KCND2: variants seen among roughly 807,000 people sequenced by gnomAD.
KCND2 encodes potassium voltage-gated channel subfamily D member 2, also known as A-type voltage-gated potassium channel KCND2.
In KCND2, 16 loss-of-function variants were observed where a neutral mutation model predicts 54.4. That is an observed-to-expected ratio of 0.29 (90% CI 0.20 to 0.45). The LOEUF (loss-of-function observed/expected upper bound fraction) is 0.45. Among genes scored for constraint, KCND2 ranks in the 20% least tolerant of loss-of-function variants. KCND2 has a pLI of 1.00. For missense variants in KCND2, 486 were observed against 824.2 expected, an observed-to-expected ratio of 0.59 and a Z score of 5.02; for synonymous variants, 317 against 310.7, an observed-to-expected ratio of 1.02 and a Z score of -0.21.
intron 1 of KCND2, among the ~76,000 whole-genome samples, chr7:120,305,934 C>T (rs1799647145): frequency 6.6e-6 from 1 of 152,172 alleles, no homozygotes; most frequent in African/African-American, 2.4e-5. Context: ...TACCTGGCTT[C>T]ACCTTTGGCA....
chr7:120,597,033 CACTTAA>C (rs1312155697), intron 1 of KCND2, among the ~76,000 whole-genome samples: 1 of 152,194 alleles, frequency 6.6e-6, no homozygotes, highest in Non-Finnish European at 1.5e-5. Flanking sequence ...ATTTCTGGCA[CACTTAA>C]ACTTAATTAC....
At chr7:120,737,741 A>T (rs1260097502) in intron 2 of KCND2, among the ~76,000 whole-genome samples, 1 of 152,056 alleles carries the variant, frequency 6.6e-6, no homozygotes, top group Non-Finnish European at 1.5e-5. Flanking sequence ...CCCTTAAATG[A>T]AAGAAACAAC....
At chr7:120,436,672 C>G (rs1283379864) in intron 1 of KCND2, among the ~76,000 whole-genome samples, 1 of 152,170 alleles carries the variant, frequency 6.6e-6, no homozygotes, top group African/African-American at 2.4e-5. Context: ...TCATCAGCCA[C>G]CCCTGCTGGC....
At chr7:120,402,451 C>T (rs957233628) in intron 1 of KCND2, among the ~76,000 whole-genome samples, 1 of 151,880 alleles carries the variant, frequency 6.6e-6, no homozygotes, top group Non-Finnish European at 1.5e-5. Flanking sequence ...ACTTTTTTTT[C>T]TCAGTTGAAG....
intron 1 of KCND2, among the ~76,000 whole-genome samples, chr7:120,503,684 G>T (rs1426921854): frequency 1.3e-5 from 2 of 151,790 alleles, no homozygotes; most frequent in Non-Finnish European, 2.9e-5. Flanking sequence ...TCTATATTTA[G>T]TTCCGTCTCG....
chr7:120,422,400 G>A (rs562347884), intron 1 of KCND2, among the ~76,000 whole-genome samples: 21 of 152,172 alleles, frequency 1.4e-4, no homozygotes, highest in African/African-American at 4.8e-4. Flanking sequence ...GGAGATTGGC[G>A]AAGTCCTCCT....
chr7:120,336,876 A>C (rs1359845901), intron 1 of KCND2, among the ~76,000 whole-genome samples: 3 of 152,312 alleles, frequency 2.0e-5, no homozygotes, highest in South Asian at 2.1e-4. Context: ...ACCCTAAAAC[A>C]CTAAAATTAA....
chr7:120,464,774 T>C (rs1362189338), intron 1 of KCND2, among the ~76,000 whole-genome samples: 1 of 152,176 alleles, frequency 6.6e-6, no homozygotes, highest in Non-Finnish European at 1.5e-5. Context: ...GGGGGCACTT[T>C]CTGCTCCTGG....
At chr7:120,315,953 C>G (rs1799806259) in intron 1 of KCND2, among the ~76,000 whole-genome samples, 1 of 151,916 alleles carries the variant, frequency 6.6e-6, no homozygotes. Context: ...TTCCAGATTT[C>G]TGGAGGGAGG....
At position 120,453,580 on chromosome 7, in the gene KCND2, C is replaced by T. The variant is rs368513973; in HGVS notation, c.1115+177833C>T. ...TCATACCAAACACATGCTCAGACTACAGTGCAACAAAAATAGAAATCAATA... is the reference window on the plus strand; with the variant it reads ...TCATACCAAACACATGCTCAGACTATAGTGCAACAAAAATAGAAATCAATA... On this transcript the variant is annotated intron_variant, in intron 1 of 5. Transcript: ENST00000331113. 3.9e-5 allele frequency among the ~76,000 whole-genome samples: 6 copies of T among 152,286 alleles called. 1 individual carries two copies. The highest frequency in any genetic ancestry group is 1.3e-4 in the Admixed American group (2 of 15,290).
intron 1 of KCND2, among the ~76,000 whole-genome samples, chr7:120,373,851 A>G (rs1800799710): frequency 6.6e-6 from 1 of 151,848 alleles, no homozygotes; most frequent in African/African-American, 2.4e-5. Context: ...GTACCATTCA[A>G]ATTACACAGC....
intron 1 of KCND2, among the ~76,000 whole-genome samples, chr7:120,481,583 C>T (rs914772479): frequency 9.2e-5 from 14 of 152,148 alleles, no homozygotes; most frequent in South Asian, 4.1e-4. Context: ...TATCACAGGT[C>T]CAGAGTTCTA....
chr7:120,681,838 G>A (rs181951427), intron 1 of KCND2, among the ~76,000 whole-genome samples: 370 of 151,950 alleles, frequency 2.4e-3, no homozygotes, highest in South Asian at 0.011. Context: ...GTCCTTTACC[G>A]AATGTCCATA....
intron 1 of KCND2, among the ~76,000 whole-genome samples, chr7:120,495,069 T>C (rs889223557): frequency 6.6e-6 from 1 of 152,212 alleles, no homozygotes. Context: ...TGTGCATTAA[T>C]AATAATAAAC....
chr7:120,635,823 T>C (rs908562046), intron 1 of KCND2, among the ~76,000 whole-genome samples: 8 of 152,174 alleles, frequency 5.3e-5, no homozygotes, highest in Admixed American at 1.3e-4. Context: ...AAAATAAAAG[T>C]AGAAAAGTAA....
At position 120,630,259 on chromosome 7, in the gene KCND2, A is replaced by T. The variant is rs189456019; in HGVS notation, c.1116-102644A>T. ...ATCACTCTTTGGTGAGTAAAAATTC[A>T]TTAAAATTTTGGAATTGACCGAGGC... On this transcript the variant is annotated intron_variant, in intron 1 of 5. Transcript: ENST00000331113. Among the ~76,000 whole-genome samples the T allele has an allele frequency of 6.1e-4, 93 of 152,360 alleles. No individual in the cohort carries two copies. In the East Asian group the frequency reaches 0.014, roughly 23 times the overall value.
At chr7:120,404,457 TA>T (rs1232187624) in intron 1 of KCND2, among the ~76,000 whole-genome samples, 1 of 152,180 alleles carries the variant, frequency 6.6e-6, no homozygotes, top group Non-Finnish European at 1.5e-5. Context: ...TTGGATTATC[TA>T]AACATGTTTA....
intron 1 of KCND2, among the ~76,000 whole-genome samples, chr7:120,663,399 AG>A (rs1245904874): frequency 1.3e-5 from 2 of 152,196 alleles, no homozygotes; most frequent in Non-Finnish European, 2.9e-5. Context: ...GATAATTAAA[AG>A]GATGACACCT....
intron 1 of KCND2, among the ~76,000 whole-genome samples, chr7:120,294,960 G>A (rs991170469): frequency 2.0e-5 from 3 of 151,680 alleles, no homozygotes; most frequent in Non-Finnish European, 4.4e-5. Context: ...AGGTCAGGAC[G>A]TGTATCTAAC....
Sources: allele counts gnomAD v4.1 joint callset (sites outside exome capture counted in the v4.1 genomes callset), GRCh38; gene constraint gnomAD v4.1.1; transcripts MANE v1.5; gene names NCBI Gene and HGNC (gene_info 2026-07-23, HGNC 2026-07-21).